Variants in DLG2 observed in about 807,000 individuals in gnomAD.
DLG2 encodes the protein disks large homolog 2.
Under a neutral mutation model 132.5 loss-of-function variants are expected in DLG2, and 45 were observed. The ratio of observed to expected loss-of-function variants is 0.34; its 90% CI spans 0.27 to 0.44. DLG2 has a LOEUF of 0.44. Ranked by LOEUF, DLG2 falls within the 20% of genes least tolerant of loss-of-function variation. DLG2 has a pLI of 1.00. For synonymous variants in DLG2, 424 were observed against 419.6 expected, an observed-to-expected ratio of 1.01 and a Z score of -0.13; for missense variants, 1,045 against 1,196.9, an observed-to-expected ratio of 0.87 and a Z score of 1.87.
At chr11:84,768,002 TA>T (rs1597647712) in intron 6 of DLG2, among the ~76,000 whole-genome samples, 1 of 152,096 alleles carries the variant, frequency 6.6e-6, no homozygotes, top group Non-Finnish European at 1.5e-5. Flanking sequence ...AGGAGAACAA[TA>T]AAGAGGAGGA....
intron 4 of DLG2, among the ~76,000 whole-genome samples, chr11:85,252,732 A>G (rs1195802916): frequency 6.6e-6 from 1 of 152,222 alleles, no homozygotes; most frequent in African/African-American, 2.4e-5. Context: ...TTATGTATTT[A>G]TATATACAGA....
intron 4 of DLG2, among the ~76,000 whole-genome samples, chr11:85,279,139 A>T (rs576570833): frequency 1.3e-5 from 2 of 152,312 alleles, no homozygotes; most frequent in South Asian, 4.1e-4. Flanking sequence ...GTTAATATCC[A>T]GGTCAAGAAC....
intron 6 of DLG2, among the ~76,000 whole-genome samples, chr11:84,869,650 A>G (rs1005325098): frequency 2.6e-5 from 4 of 152,156 alleles, no homozygotes; most frequent in African/African-American, 9.7e-5. Flanking sequence ...AATTGCCACT[A>G]AGAGAAACCC....
At chr11:85,004,131 T>C (rs904394813) in intron 6 of DLG2, among the ~76,000 whole-genome samples, 1 of 152,212 alleles carries the variant, frequency 6.6e-6, no homozygotes, top group Non-Finnish European at 1.5e-5. Flanking sequence ...TGATGGGCAT[T>C]TGGGTTGGTT....
chr11:84,361,175 A>G (rs929516944), intron 7 of DLG2, among the ~76,000 whole-genome samples: 4 of 151,920 alleles, frequency 2.6e-5, no homozygotes, highest in Non-Finnish European at 5.9e-5. Flanking sequence ...TAAAAACACT[A>G]TTTAAAGAAA....
chr11:85,203,213 T>TA (rs910327661), intron 4 of DLG2, among the ~76,000 whole-genome samples: 5 of 151,418 alleles, frequency 3.3e-5, no homozygotes, highest in Middle Eastern at 3.4e-3. Flanking sequence ...AAATTGATAC[T>TA]AAAAAAATAC....
intron 6 of DLG2, among the ~76,000 whole-genome samples, chr11:84,724,183 C>T (rs899154007): frequency 5.9e-5 from 9 of 152,056 alleles, no homozygotes; most frequent in African/African-American, 2.2e-4. Context: ...CCTCTCTAAG[C>T]TTCAGTTTCC....
chr11:84,506,079 C>CTTTTTTTTTTTTTTTTTTTTTT lies in DLG2; in HGVS notation c.519+28490_519+28491insAAAAAAAAAAAAAAAAAAAAAA, dbSNP rs779039240. ...CTAATGTTATGACAGAGGCTCAGTT[C>CTTTTTTTTTTTTTTTTTTTTTT]TTTTTTTTTTTTTTGAGACGGAGTC... On this transcript the variant is annotated intron_variant, in intron 7 of 27. Coordinates refer to ENST00000376104, the MANE Select transcript of DLG2 (RefSeq NM_001142699.3). 5.6e-4 allele frequency among the ~76,000 whole-genome samples: 60 copies of CTTTTTTTTTTTTTTTTTTTTTT among 107,002 alleles called. 10 individuals are homozygous for CTTTTTTTTTTTTTTTTTTTTTT. The highest frequency in any genetic ancestry group is 1.7e-3 in the African/African-American group (33 of 19,736). 70.2% of individuals were successfully genotyped at this position (107,002 alleles called of 152,430 possible).
intron 6 of DLG2, among the ~76,000 whole-genome samples, chr11:85,060,729 A>AT (rs947677800): frequency 6.6e-6 from 1 of 151,682 alleles, no homozygotes; most frequent in Non-Finnish European, 1.5e-5. Flanking sequence ...TGAAAATTAA[A>AT]TTTTTTATTT....
intron 6 of DLG2, among the ~76,000 whole-genome samples, chr11:84,795,827 C>T (rs536233976): frequency 1.4e-3 from 211 of 152,310 alleles, no homozygotes; most frequent in African/African-American, 4.1e-3. Context: ...CCATGTTCCC[C>T]GGTGCCCACC....
At chr11:84,975,078 C>T (rs1179837276) in intron 6 of DLG2, among the ~76,000 whole-genome samples, 2 of 151,714 alleles carry the variant, frequency 1.3e-5, no homozygotes, top group South Asian at 2.1e-4. Flanking sequence ...TGGGCACTTT[C>T]AACTTTACTT....
At chr11:83,797,904 T>C (rs1175681706) in intron 17 of DLG2, among the ~76,000 whole-genome samples, 1 of 152,224 alleles carries the variant, frequency 6.6e-6, no homozygotes, top group Non-Finnish European at 1.5e-5. Context: ...TTGACCATAA[T>C]GAGGAGTCAT....
intron 2 of DLG2, among the ~76,000 whole-genome samples, chr11:85,604,111 C>G (rs1395628506): frequency 1.3e-5 from 2 of 152,156 alleles, no homozygotes; most frequent in East Asian, 3.9e-4. Flanking sequence ...TTCAAAACAG[C>G]TAGATGTTTT....
chr11:83,799,304 T>G (rs1337842085), intron 17 of DLG2, among the ~76,000 whole-genome samples: 1 of 152,200 alleles, frequency 6.6e-6, no homozygotes. Context: ...TAAGTGGCTA[T>G]GGAAGGGTTT....
intron 6 of DLG2, among the ~76,000 whole-genome samples, chr11:84,633,826 C>T (rs559469770): frequency 6.6e-6 from 1 of 152,060 alleles, no homozygotes; most frequent in South Asian, 2.1e-4. Flanking sequence ...GGCCTGCTCT[C>T]GTTGTTGGGT....
chr11:84,520,114 G>A lies in DLG2; in HGVS notation c.519+14456C>T, dbSNP rs1300622285. On this transcript the variant is annotated intron_variant, in intron 7 of 27. Transcript: ENST00000376104. ...AATGACAGGAAGCTCACTACCTTAT[G>A]AGGCAGGTCATTCTCTCTTTGGACC... is the stretch of plus-strand genomic sequence containing the variant. Among the ~76,000 whole-genome samples, 6 of 152,214 alleles carry A rather than the reference G, an allele frequency of 3.9e-5. No individual in the cohort carries two copies. In the East Asian group the frequency reaches 1.2e-3, roughly 29 times the overall value.
chr11:83,661,995 T>C (rs1431601492), intron 18 of DLG2, among the ~76,000 whole-genome samples: 13 of 152,246 alleles, frequency 8.5e-5, no homozygotes, highest in Admixed American at 8.5e-4. Flanking sequence ...TATTTTAATA[T>C]ACTTGGAGTG....
intron 18 of DLG2, among the ~76,000 whole-genome samples, chr11:83,745,600 G>A (rs113944788): frequency 1.7e-4 from 26 of 152,066 alleles, no homozygotes; most frequent in African/African-American, 5.5e-4. Context: ...TCAGGAGTTC[G>A]AGACCAGCCT....
intron 18 of DLG2, among the ~76,000 whole-genome samples, chr11:83,740,241 C>T (rs373864871): frequency 4.6e-5 from 7 of 152,142 alleles, no homozygotes; most frequent in African/African-American, 1.4e-4. Context: ...TAGTTAAGTA[C>T]AGAAACAGCC....
Sources: allele counts gnomAD v4.1 joint callset (sites outside exome capture counted in the v4.1 genomes callset), GRCh38; gene constraint gnomAD v4.1.1; transcripts MANE v1.5; gene names NCBI Gene and HGNC (gene_info 2026-07-23, HGNC 2026-07-21).